The following PGPEP1 variants were observed in gnomAD, a reference collection of about 807,000 sequenced individuals.
PGPEP1 encodes the protein pyroglutamyl-peptidase I, also known as pyroglutamyl-peptidase 1.
Under a neutral mutation model 24.1 loss-of-function variants are expected in PGPEP1, and 15 were observed. The observed-to-expected ratio is 0.62, with a 90% CI of 0.42 to 0.96. PGPEP1 has a LOEUF of 0.96. Ranked by LOEUF, PGPEP1 falls within the 40% of genes least tolerant of loss-of-function variation. The pLI is 0.00. For synonymous variants in PGPEP1, 122 were observed against 116.4 expected, an observed-to-expected ratio of 1.05 and a Z score of -0.31; for missense variants, 242 against 273.4, an observed-to-expected ratio of 0.89 and a Z score of 0.81.
At chr19:18,342,429 C>T (rs1970697804) in intron 1 of PGPEP1, among the ~76,000 whole-genome samples, 1 of 152,136 alleles carries the variant, frequency 6.6e-6, no homozygotes. Flanking sequence ...TTTGAGCTAG[C>T]AGGGAGGAGG....
At chr19:18,341,771 C>A (rs1970676474) in intron 1 of PGPEP1, among the ~76,000 whole-genome samples, 1 of 152,164 alleles carries the variant, frequency 6.6e-6, no homozygotes, top group African/African-American at 2.4e-5. Context: ...AGGGGCTGAG[C>A]TGAGACTCAA....
rs186869054 is a variant in PGPEP1 at position 18,368,142 on chromosome 19, A to G, written c.*4559A>G. On this transcript the variant is annotated 3_prime_UTR_variant, in exon 5 of 5. Transcript: ENST00000269919. ...AGCAAGACCCTGCCTCAAAATTAAG[A>G]AAAAAAAAAGGGGGGCCAGGCGCAG... The G allele has an allele frequency of 6.8e-6, 1 of 146,862 alleles. No individual in the cohort carries two copies. Among genetic ancestry groups the G allele is most frequent in the Non-Finnish European group, 1.5e-5 (1 of 66,606 alleles). 9.1% of individuals were successfully genotyped at this position (146,862 alleles called of 1,614,324 possible).
In PGPEP1 at chr19:18,361,881, G is replaced by A. The variant is rs558942008; in HGVS notation, c.438-1510G>A. ...TCATCCTTAGTTTTCATTTGTGAGC[G>A]TTCAACATGCATCTGGCGAGTTCTC... On this transcript the variant is annotated intron_variant, in intron 4 of 4. Coordinates refer to ENST00000269919, the MANE Select transcript of PGPEP1 (RefSeq NM_017712.4). 31 of 985,182 alleles carry A rather than the reference G, an allele frequency of 3.1e-5. No individual in the cohort carries two copies. In the African/African-American group the frequency reaches 3.3e-4, roughly 11 times the overall value. The allele number at this position is 985,182 out of a possible 1,614,324, so 61.0% of individuals were successfully genotyped here.
In PGPEP1 at chr19:18,343,785, C is replaced by T. The variant is rs955095409; in HGVS notation, c.87+874C>T. 1.5e-4 allele frequency among the ~76,000 whole-genome samples: 22 copies of T among 147,566 alleles called. No individual in the cohort carries two copies. In the South Asian group the frequency reaches 2.1e-3, roughly 14 times the overall value. On this transcript the variant is annotated intron_variant, in intron 2 of 4. Transcript: ENST00000269919. ...TGCAACCTTGCCTTCTGGGTTCAAG[C>T]GATTCTCCTGCCTCAGCCTCCAGAG...
At chr19:18,347,146 ATC>A (rs2144537458) in intron 2 of PGPEP1, among the ~76,000 whole-genome samples, 1 of 149,710 alleles carries the variant, frequency 6.7e-6, no homozygotes, top group East Asian at 2.0e-4. Flanking sequence ...GAGGTGAGCA[ATC>A]TCAGCTCACC....
Position 18,340,719 on chromosome 19 carries a change from C to A in PGPEP1, c.34+4C>A, listed in dbSNP as rs1970646375. The A allele has an allele frequency of 6.6e-7, 1 of 1,521,670 alleles. No individual in the cohort carries two copies. Among genetic ancestry groups the A allele is most frequent in the Admixed American group, 2.0e-5 (1 of 49,000 alleles). 94.3% of individuals were successfully genotyped at this position (1,521,670 alleles called of 1,614,324 possible). ...AGGAAGGCGGTGGTAGTGACGGGTA[C>A]GCTGGCTGATGGGGGCTGTAGCGGC... On this transcript the variant is annotated splice_donor_region_variant and intron_variant, in intron 1 of 4. Coordinates refer to ENST00000269919, the MANE Select transcript of PGPEP1 (RefSeq NM_017712.4).
intron 2 of PGPEP1, among the ~76,000 whole-genome samples, chr19:18,345,381 G>A (rs1970801182): frequency 1.3e-5 from 2 of 151,998 alleles, no homozygotes; most frequent in Non-Finnish European, 2.9e-5. Flanking sequence ...AACCTTCTTA[G>A]ATCTGATTGT....
At chr19:18,340,762 G>A in intron 1 of PGPEP1, 47 bp downstream of exon 1, 1 of 1,372,674 alleles carries the variant, frequency 7.3e-7, no homozygotes. Context: ...GGGGGCAGAG[G>A]CGGGGGCGGC....
intron 2 of PGPEP1, among the ~76,000 whole-genome samples, chr19:18,347,362 C>G (rs549619426): frequency 2.2e-5 from 3 of 136,672 alleles, no homozygotes; most frequent in African/African-American, 8.1e-5. Flanking sequence ...CCTGTCTTAG[C>G]CCCTCAAAGT....
rs1025557589 is a variant in PGPEP1 at position 18,349,067 on chromosome 19, A to G, written c.87+6156A>G. On this transcript the variant is annotated intron_variant, in intron 2 of 4. Transcript: ENST00000269919. ...GTGTGAGCCACCGAGCCCTGCCATCAGGTGGGTCTTGGCAAACACACACAT... is the reference window on the plus strand; with the variant it reads ...GTGTGAGCCACCGAGCCCTGCCATCGGGTGGGTCTTGGCAAACACACACAT... 7 of 983,274 alleles carry G rather than the reference A, an allele frequency of 7.1e-6. No homozygotes were observed. In the African/African-American group the frequency reaches 1.2e-4, roughly 17 times the overall value. The allele number at this position is 983,274 out of a possible 1,614,324, so 60.9% of individuals were successfully genotyped here.
rs570498910 is a variant in PGPEP1 at position 18,340,625 on chromosome 19, A to C, written c.-57A>C. ...CGCGCGGCCGAGAGGCTGCAGCGGC[A>C]GCAGCTGTCGCGCCAGTCGCAACAG... On this transcript the variant is annotated 5_prime_UTR_variant, in exon 1 of 5. Coordinates refer to ENST00000269919, the MANE Select transcript of PGPEP1 (RefSeq NM_017712.4). 1.0e-4 allele frequency: 152 copies of C among 1,472,000 alleles called. No homozygotes were observed. The African/African-American group carries it at 2.0e-3, about 19-fold the overall frequency. The allele number at this position is 1,472,000 out of a possible 1,614,324, so 91.2% of individuals were successfully genotyped here. A position where few individuals can be genotyped will look rare whatever the true frequency, so the allele number is the denominator to read the frequency against.
chr19:18,354,871 C>G (rs1252239825), intron 2 of PGPEP1, among the ~76,000 whole-genome samples: 1 of 151,362 alleles, frequency 6.6e-6, no homozygotes, highest in East Asian at 2.0e-4. Flanking sequence ...GTCATTTGAA[C>G]ACTTAAAATA....
At chr19:18,362,131 G>T (rs1443896743) in intron 4 of PGPEP1, among the ~76,000 whole-genome samples, 1 of 152,122 alleles carries the variant, frequency 6.6e-6, no homozygotes, top group East Asian at 1.9e-4. Flanking sequence ...AATAGGCCAG[G>T]CGTGGTGGCT....
chr19:18,351,011 C>T (rs543611953), intron 2 of PGPEP1, among the ~76,000 whole-genome samples: 133 of 152,204 alleles, frequency 8.7e-4, no homozygotes, highest in African/African-American at 3.1e-3. Flanking sequence ...CAGTGGCTCA[C>T]GTCTGTAATC....
chr19:18,363,029 TTGTTTGTGTGTG>T (rs1453707661), intron 4 of PGPEP1, among the ~76,000 whole-genome samples: 1 of 59,418 alleles, frequency 1.7e-5, no homozygotes, highest in African/African-American at 6.0e-5. Flanking sequence ...CAAGTTTTTT[TTGTTTGTGTGTG>T]TGTGTGTGTG....
At chr19:18,362,205 C>T (rs1052054203) in intron 4 of PGPEP1, among the ~76,000 whole-genome samples, 1 of 151,534 alleles carries the variant, frequency 6.6e-6, no homozygotes, top group Non-Finnish European at 1.5e-5. Flanking sequence ...TCAGGCGTTC[C>T]AGACCTGCCT....
Position 18,369,750 on chromosome 19 carries a change from G to A in PGPEP1, c.*6167G>A, listed in dbSNP as rs978200470. On this transcript the variant is annotated 3_prime_UTR_variant, in exon 5 of 5. Transcript: ENST00000269919. ...AAAGGTGACTGTGTTTTCTGCCGCC[G>A]AAGGAGGGCCCGGTCCCTCCAGGCT... 10 of 152,032 alleles carry A rather than the reference G, an allele frequency of 6.6e-5. No individual in the cohort carries two copies. Among genetic ancestry groups the A allele is most frequent in the African/African-American group, 2.4e-4 (10 of 41,390 alleles). 9.4% of individuals were successfully genotyped at this position (152,032 alleles called of 1,614,324 possible).
rs1337921691 is a variant in PGPEP1 at position 18,364,116 on chromosome 19, C to T, written c.*533C>T. 9.4e-6 allele frequency: 1 copy of T among 106,470 alleles called. No homozygotes were observed. Among genetic ancestry groups the T allele is most frequent in the South Asian group, 3.9e-4 (1 of 2,576 alleles). 6.6% of individuals were successfully genotyped at this position (106,470 alleles called of 1,614,324 possible). Reference sequence around the variant, plus strand: ...TCTTTCTTTCTTTCTTTCTTTCTTGCTTTCTTTCTTTCTTGCTTTCTTTCT... The same window carrying T: ...TCTTTCTTTCTTTCTTTCTTTCTTGTTTTCTTTCTTTCTTGCTTTCTTTCT... On this transcript the variant is annotated 3_prime_UTR_variant, in exon 5 of 5. Coordinates refer to ENST00000269919, the MANE Select transcript of PGPEP1 (RefSeq NM_017712.4).
chr19:18,358,447 A>G (rs1422422686), intron 4 of PGPEP1, among the ~76,000 whole-genome samples: 1 of 151,494 alleles, frequency 6.6e-6, no homozygotes, highest in Non-Finnish European at 1.5e-5. Context: ...TTTATTAGAG[A>G]CAGGGTTTCT....
Sources: gnomAD v4.1 joint callset for allele counts (sites outside exome capture counted in the v4.1 genomes callset) on GRCh38, gnomAD v4.1.1 for gene constraint, MANE v1.5 for transcripts, NCBI Gene and HGNC (gene_info 2026-07-23, HGNC 2026-07-21) for gene names.